The following TNRC6B variants were observed in gnomAD, a reference collection of about 807,000 sequenced individuals.
The protein encoded by TNRC6B is trinucleotide repeat-containing gene 6B protein.
Under a neutral mutation model 203.6 loss-of-function variants are expected in TNRC6B, and 52 were observed. The ratio of observed to expected loss-of-function variants is 0.26; its 90% CI spans 0.20 to 0.32. TNRC6B has a LOEUF of 0.32. Among genes scored for constraint, TNRC6B ranks in the 10% least tolerant of loss-of-function variants. TNRC6B has a pLI of 1.00. For missense variants in TNRC6B, 1,923 were observed against 2,286.2 expected (o/e 0.84, Z 3.24); for synonymous variants, 838 against 845.7 (o/e 0.99, Z 0.16).
chr22:40,061,300 C>G (rs915305103), intron 1 of TNRC6B, among the ~76,000 whole-genome samples: 3 of 152,046 alleles, frequency 2.0e-5, no homozygotes, highest in African/African-American at 7.3e-5. Flanking sequence ...CTGCAACCTC[C>G]GTCTTCCAGG....
chr22:40,318,395 A>G (rs749156299), intron 21 of TNRC6B, among the ~76,000 whole-genome samples: 7 of 151,970 alleles, frequency 4.6e-5, no homozygotes, highest in Non-Finnish European at 8.8e-5. Context: ...AAAATACAAA[A>G]AATTAGCCGG....
In TNRC6B at chr22:40,267,025, A is replaced by G; in HGVS notation, c.2795A>G (p.Lys932Arg). ...AACCTGCCCACCCCAATGACCAGTA[A>G]ATCGGCATCAGGTAAGCAGTGGCTT... ...EPNLPTPMTS[K>R]SASVWSKSTP... The change falls in exon 5 of 23, where the codon AAA becomes AGA. Residue 932 changes from lysine to arginine, a missense_variant. Physicochemically the swap from Lys to Arg is conservative, Grantham distance 26 (BLOSUM62 2). Around this residue, in one of 8 missense-constraint regions of TNRC6B, gnomAD observed 599 missense variants for 656.5 expected, o/e 0.91. Coordinates refer to ENST00000454349, the MANE Select transcript of TNRC6B (RefSeq NM_001162501.2). 1.3e-6 allele frequency: 2 copies of G among 1,596,274 alleles called. No homozygotes were observed. The highest frequency in any genetic ancestry group is 1.7e-6 in the Non-Finnish European group (2 of 1,170,830).
At chr22:40,048,880 G>T (rs1291279379) in intron 1 of TNRC6B, among the ~76,000 whole-genome samples, 1 of 151,200 alleles carries the variant, frequency 6.6e-6, no homozygotes, top group Non-Finnish European at 1.5e-5. Context: ...TCGCTCTGTC[G>T]CCCAGGCTGG....
chr22:40,266,613 G>C lies in TNRC6B; in HGVS notation c.2383G>C (p.Gly795Arg). Reference protein sequence around the residue: ...NGGNASLASKGGWEDCKRSPA... With the variant: ...NGGNASLASKRGWEDCKRSPA... ...TGGCAATGCAAGCCTAGCTTCAAAA[G>C]GTGGGTGGGAGGATTGCAAAAGATC... Residue 795 changes from glycine to arginine, a missense_variant, in exon 5 of 23, where the codon GGT (glycine) becomes CGT (arginine). By Grantham distance (125) the Gly-to-Arg change is moderately radical. This residue lies in a region of TNRC6B where 599 missense variants were observed against 656.5 expected (regional missense o/e 0.91). Transcript: ENST00000454349. 6.2e-7 allele frequency: 1 copy of C among 1,611,800 alleles called. No individual in the cohort carries two copies. Among genetic ancestry groups the C allele is most frequent in the Non-Finnish European group, 8.5e-7 (1 of 1,178,584 alleles).
At chr22:40,075,156 ATTTTTTTTTT>A (rs58240994) in intron 1 of TNRC6B, among the ~76,000 whole-genome samples, 4 of 35,568 alleles carry the variant, frequency 1.1e-4, no homozygotes, top group African/African-American at 3.1e-4. Context: ...ATATATATAT[ATTTTTTTTTT>A]TTTTTTTTTT....
At chr22:40,090,983 GT>G (rs896141793) in intron 1 of TNRC6B, among the ~76,000 whole-genome samples, 2 of 151,930 alleles carry the variant, frequency 1.3e-5, no homozygotes, top group East Asian at 1.9e-4. Flanking sequence ...TACCAATAAA[GT>G]TTTTTTTATT....
In TNRC6B at chr22:40,172,344, C is replaced by G. The variant is rs111249964; in HGVS notation, c.113+16162C>G. 3.5e-4 allele frequency among the ~76,000 whole-genome samples: 53 copies of G among 152,366 alleles called. 2 individuals carry two copies. The highest frequency in any genetic ancestry group is 1.3e-3 in the African/African-American group (52 of 41,586). ...TATGAGGATGTCAGCTCCATATAGA[C>G]GAGAACCTTCTGCTTCACTGCTGCA... is the stretch of plus-strand genomic sequence containing the variant. On this transcript the variant is annotated intron_variant, in intron 4 of 23. Coordinates refer to the TNRC6B transcript ENST00000301923.
Position 40,285,637 on chromosome 22 carries a change from G to T in TNRC6B, c.3583-8G>T. On this transcript the variant is annotated splice_region_variant and splice_polypyrimidine_tract_variant and intron_variant, in intron 11 of 22. Coordinates refer to ENST00000454349, the MANE Select transcript of TNRC6B (RefSeq NM_001162501.2). Reference sequence around the variant, plus strand: ...CAAAAAGCCTTACTGCTGCTTTTCTGTTTACAGGGCGGTAGTCATGGTTTG... The same window carrying T: ...CAAAAAGCCTTACTGCTGCTTTTCTTTTTACAGGGCGGTAGTCATGGTTTG... 1.9e-6 allele frequency: 3 copies of T among 1,607,588 alleles called. No individual in the cohort carries two copies. The highest frequency in any genetic ancestry group is 2.5e-6 in the Non-Finnish European group (3 of 1,178,166).
chr22:40,191,260 G>T (rs2069268764), intron 1 of TNRC6B, among the ~76,000 whole-genome samples: 1 of 152,152 alleles, frequency 6.6e-6, no homozygotes, highest in Non-Finnish European at 1.5e-5. Context: ...TTGGTAAAGG[G>T]ATAGTAATAG....
At chr22:40,284,663 GT>G (rs1433931870) in intron 11 of TNRC6B, among the ~76,000 whole-genome samples, 2 of 152,180 alleles carry the variant, frequency 1.3e-5, no homozygotes, top group African/African-American at 4.8e-5. Flanking sequence ...GGTTTGATGA[GT>G]TTTAAAGCGT....
At chr22:40,311,262 GTGTCTGTTGAATTGATTTGT>G (rs1404618316) in intron 17 of TNRC6B, among the ~76,000 whole-genome samples, 2 of 152,162 alleles carry the variant, frequency 1.3e-5, no homozygotes, top group Admixed American at 1.3e-4. Context: ...TTCTTTTGAA[GTGTCTGTTGAATTGATTTGT>G]TAGTTCTTAG....
At chr22:40,257,099 A>C (rs781616910) in intron 3 of TNRC6B, among the ~76,000 whole-genome samples, 4 of 152,212 alleles carry the variant, frequency 2.6e-5, no homozygotes, top group Non-Finnish European at 5.9e-5. Flanking sequence ...TCAGCCTAGA[A>C]TATCTTTTCT....
At chr22:40,300,402 G>T in intron 12 of TNRC6B, 53 bp from the exon 13 acceptor site, 1 of 1,451,934 alleles carries the variant, frequency 6.9e-7, no homozygotes, top group Non-Finnish European at 9.1e-7. Context: ...GTTTTATTTT[G>T]ATAAATTCTG....
chr22:40,247,934 G>A (rs1413909046), intron 2 of TNRC6B, among the ~76,000 whole-genome samples: 1 of 152,142 alleles, frequency 6.6e-6, no homozygotes, highest in Non-Finnish European at 1.5e-5. Context: ...AATTAGCCGA[G>A]TGTGGTGGTG....
At chr22:40,288,337 T>G (rs1037620448) in intron 12 of TNRC6B, among the ~76,000 whole-genome samples, 1 of 152,206 alleles carries the variant, frequency 6.6e-6, no homozygotes, top group Non-Finnish European at 1.5e-5. Context: ...TTATGTGCAC[T>G]TACAGTTTGG....
intron 1 of TNRC6B, among the ~76,000 whole-genome samples, chr22:40,108,415 T>G (rs2068305406): frequency 6.6e-6 from 1 of 152,230 alleles, no homozygotes; most frequent in African/African-American, 2.4e-5. Context: ...AGTTAGGGCT[T>G]AGGAGCCACA....
At chr22:40,271,942 A>T (rs893914239) in intron 6 of TNRC6B, among the ~76,000 whole-genome samples, 1 of 152,194 alleles carries the variant, frequency 6.6e-6, no homozygotes, top group Non-Finnish European at 1.5e-5. Context: ...ATTAAAAATT[A>T]GACCTCTCTT....
At chr22:40,287,747 G>A (rs1479179077) in intron 12 of TNRC6B, among the ~76,000 whole-genome samples, 23 of 152,180 alleles carry the variant, frequency 1.5e-4, no homozygotes, top group Admixed American at 1.3e-3. Context: ...TGTCTTCATC[G>A]TGCACAGATG....
intron 4 of TNRC6B, among the ~76,000 whole-genome samples, chr22:40,263,619 C>T (rs1304812423): frequency 6.6e-6 from 1 of 152,124 alleles, no homozygotes; most frequent in Non-Finnish European, 1.5e-5. Context: ...TTAAAAGCTG[C>T]CTGGTTAAAG....
Sources: gnomAD v4.1 joint callset for allele counts (sites outside exome capture counted in the v4.1 genomes callset) on GRCh38, gnomAD v4.1.1 for gene constraint, gnomAD v4.1.1 regional missense constraint, MANE v1.5 for transcripts, NCBI Gene and HGNC (gene_info 2026-07-23, HGNC 2026-07-21) for gene names.